Variants in LRIG3 observed in about 807,000 individuals in gnomAD.
LRIG3 encodes leucine rich repeats and immunoglobulin like domains 3, also known as leucine-rich repeats and immunoglobulin-like domains protein 3.
In LRIG3, 76 loss-of-function variants were observed where a neutral mutation model predicts 114.5. The ratio of observed to expected loss-of-function variants is 0.66; its 90% CI spans 0.55 to 0.80. The LOEUF (loss-of-function observed/expected upper bound fraction) is 0.80. Ranked by LOEUF, LRIG3 falls within the 30% of genes least tolerant of loss-of-function variation. LRIG3 has a pLI of 0.00. For missense variants in LRIG3, 1,239 were observed against 1,382.8 expected, an observed-to-expected ratio of 0.90 and a Z score of 1.65; for synonymous variants, 512 against 519.8, an observed-to-expected ratio of 0.98 and a Z score of 0.20.
chr12:58,906,867 G>A (rs1300801947), intron 3 of LRIG3, among the ~76,000 whole-genome samples: 1 of 150,518 alleles, frequency 6.6e-6, no homozygotes, highest in Non-Finnish European at 1.5e-5. Flanking sequence ...TTTAATGAAT[G>A]AAAATGAAAT....
chr12:58,903,999 T>C (rs1871968765), intron 3 of LRIG3, among the ~76,000 whole-genome samples: 1 of 152,132 alleles, frequency 6.6e-6, no homozygotes, highest in East Asian at 1.9e-4. Context: ...TCAGGTAGCA[T>C]GATGCCTCCA....
In LRIG3 at chr12:58,887,807, A is replaced by G; in HGVS notation, c.1073T>C (p.Leu358Pro). 1 of 1,613,704 alleles carries G rather than the reference A, an allele frequency of 6.2e-7. No individual in the cohort carries two copies. The highest frequency in any genetic ancestry group is 1.1e-5 in the South Asian group (1 of 91,046). Residue 358 changes from leucine (L) to proline (P), a missense_variant, in exon 8 of 19, where the codon CTT becomes CCT. Physicochemically the swap from Leu to Pro is moderately conservative, Grantham distance 98. Coordinates refer to ENST00000320743, the MANE Select transcript of LRIG3 (RefSeq NM_153377.5). Reference protein sequence around the residue: ...SYIADCAFRGLSSLKTLDLKN... With the variant: ...SYIADCAFRGPSSLKTLDLKN... ...AACTTACAAAGTCTTTAAACTGGAAAGCCCCCGGAAGGCACAATCAGCAAT... is the reference window on the plus strand; with the variant it reads ...AACTTACAAAGTCTTTAAACTGGAAGGCCCCCGGAAGGCACAATCAGCAAT...
At chr12:58,913,689 A>G in intron 3 of LRIG3, 1 of 282,278 alleles carries the variant, frequency 3.5e-6, no homozygotes. Flanking sequence ...TAGTCTACAG[A>G]ATACGATAAA....
In LRIG3 at chr12:58,885,132, A is replaced by G. The variant is rs1871234812; in HGVS notation, c.1244+699T>C. Among the ~76,000 whole-genome samples the G allele has an allele frequency of 2.6e-5, 4 of 152,180 alleles. No individual in the cohort carries two copies. The South Asian group carries it at 8.3e-4, about 31-fold the overall frequency. ...GCAAGAGCTAGTGTGATGCAGGGAC[A>G]CTGTGCAAGTCGGGGCAGCTCTGGG... On this transcript the variant is annotated intron_variant, in intron 10 of 18. Coordinates refer to ENST00000320743, the MANE Select transcript of LRIG3 (RefSeq NM_153377.5).
intron 12 of LRIG3, 43 bp from the exon 13 acceptor site, chr12:58,880,944 C>A: frequency 3.2e-6 from 5 of 1,564,026 alleles, no homozygotes; most frequent in Non-Finnish European, 4.4e-6. Context: ...TGTTAAGGCT[C>A]AAGAGTCCAA....
intron 1 of LRIG3, chr12:58,919,340 C>A: frequency 6.5e-7 from 1 of 1,531,786 alleles, no homozygotes. Flanking sequence ...CTACAGAAAT[C>A]ACGCCCTTGA....
At chr12:58,895,023 C>A (rs1039723478) in intron 3 of LRIG3, among the ~76,000 whole-genome samples, 9 of 152,146 alleles carry the variant, frequency 5.9e-5, no homozygotes, top group African/African-American at 1.9e-4. Flanking sequence ...AGGAGAACCA[C>A]GTATTTTGGC....
chr12:58,906,764 G>A (rs991271202), intron 3 of LRIG3, among the ~76,000 whole-genome samples: 2 of 151,964 alleles, frequency 1.3e-5, no homozygotes, highest in African/African-American at 4.8e-5. Flanking sequence ...ACAGCTCCAG[G>A]GGTCAATGGA....
chr12:58,874,184 T>TC lies in LRIG3; in HGVS notation c.2985dup (p.Lys996GlufsTer4). 6.2e-7 allele frequency: 1 copy of TC among 1,614,220 alleles called. No individual in the cohort carries two copies. Among genetic ancestry groups the TC allele is most frequent in the Non-Finnish European group, 8.5e-7 (1 of 1,180,036 alleles). ...TGAGAGTAACTAGTGTTAAGTAGCT[T>TC]CCTCACATGTGAAGGCCACGATATA... On this transcript the variant is annotated frameshift_variant, in exon 18 of 19. Transcript: ENST00000320743. LOFTEE classifies it high-confidence loss of function.
chr12:58,920,227 C>A lies in LRIG3; in HGVS notation c.9G>T (p.Ala3=), dbSNP rs566544207. The A allele has an allele frequency of 5.8e-6, 8 of 1,382,536 alleles. No homozygotes were observed. In the South Asian group the frequency reaches 1.3e-4, roughly 23 times the overall value. The allele number at this position is 1,382,536 out of a possible 1,614,324, so 85.6% of individuals were successfully genotyped here. The change falls in exon 1 of 19, where the codon GCG becomes GCT. Residue 3 remains alanine, a synonymous_variant. Coordinates refer to ENST00000320743, the MANE Select transcript of LRIG3 (RefSeq NM_153377.5). Reference sequence around the variant, plus strand: ...CCGCGGCGCGCGCACGGAGGCTCGGCGCGCTCATCGCGGTCCAGCGGCCTA... The same window carrying A: ...CCGCGGCGCGCGCACGGAGGCTCGGAGCGCTCATCGCGGTCCAGCGGCCTA... MS[A]PSLRARAAGL...
chr12:58,881,002 G>A lies in LRIG3; in HGVS notation c.1481-101C>T, dbSNP rs140481987. On this transcript the variant is annotated intron_variant, in intron 12 of 18. Transcript: ENST00000320743. The stretch of plus-strand genomic sequence containing the variant: ...AAGAAATGCAAAAACAGTGGCTTAG[G>A]TTTTACCCTTTGTGTATGTTTTCCA... 5.5e-5 allele frequency: 62 copies of A among 1,124,746 alleles called. No homozygotes were observed. The African/African-American group carries it at 8.9e-4, about 16-fold the overall frequency. 69.7% of individuals were successfully genotyped at this position (1,124,746 alleles called of 1,614,324 possible).
chr12:58,880,710 C>T lies in LRIG3; in HGVS notation c.1672G>A (p.Glu558Lys), dbSNP rs60376933. ...NYAHLRAQGG[E>K]VMEYTTILRL... ...AGGATGGTGGTATACTCCATCACCT[C>T]GCCACCTTGGGCCCGGAGGTGTGCA... is the stretch of plus-strand genomic sequence containing the variant. Residue 558 changes from glutamate (E) to lysine (K), a missense_variant, in exon 13 of 19, where the codon GAG becomes AAG. Coordinates refer to ENST00000320743, the MANE Select transcript of LRIG3 (RefSeq NM_153377.5). 1.5e-4 allele frequency: 244 copies of T among 1,614,200 alleles called. 2 individuals carry two copies. The East Asian group carries it at 5.0e-3, about 33-fold the overall frequency.
intron 5 of LRIG3, 76 bp downstream of exon 5, chr12:58,889,920 A>G (rs930411499): frequency 4.6e-6 from 7 of 1,532,840 alleles, no homozygotes; most frequent in Non-Finnish European, 4.4e-6. Flanking sequence ...TTTTTGCCAC[A>G]TTGTAGATTT....
rs1330967750 is a variant in LRIG3 at position 58,920,224 on chromosome 12, C to T, written c.12G>A (p.Pro4=). 3.6e-6 allele frequency: 5 copies of T among 1,385,404 alleles called. No individual in the cohort carries two copies. Among genetic ancestry groups the T allele is most frequent in the East Asian group, 3.0e-5 (1 of 33,728 alleles). The allele number at this position is 1,385,404 out of a possible 1,614,324, so 85.8% of individuals were successfully genotyped here. A position where few individuals can be genotyped will look rare whatever the true frequency, so the allele number is the denominator to read the frequency against. MSA[P]SLRARAAGLG... ...ACCCCGCGGCGCGCGCACGGAGGCT[C>T]GGCGCGCTCATCGCGGTCCAGCGGC... Residue 4 remains proline, a synonymous_variant, in exon 1 of 19, where the codon CCG becomes CCA. Coordinates refer to ENST00000320743, the MANE Select transcript of LRIG3 (RefSeq NM_153377.5).
At chr12:58,885,210 A>G (rs1395515261) in intron 10 of LRIG3, among the ~76,000 whole-genome samples, 1 of 152,180 alleles carries the variant, frequency 6.6e-6, no homozygotes, top group Non-Finnish European at 1.5e-5. Context: ...GAAACAAAAG[A>G]AAACAACAAA....
At chr12:58,902,507 G>A (rs1398286164) in intron 3 of LRIG3, among the ~76,000 whole-genome samples, 1 of 152,064 alleles carries the variant, frequency 6.6e-6, no homozygotes. Flanking sequence ...GGAGATGGCA[G>A]GCAGGTGATT....
At chr12:58,895,680 A>G (rs1036019290) in intron 3 of LRIG3, among the ~76,000 whole-genome samples, 4 of 152,118 alleles carry the variant, frequency 2.6e-5, no homozygotes, top group African/African-American at 9.7e-5. Flanking sequence ...TGGGGTGACA[A>G]TATCACATGT....
chr12:58,897,931 G>A (rs1040054914), intron 3 of LRIG3, among the ~76,000 whole-genome samples: 39 of 152,130 alleles, frequency 2.6e-4, no homozygotes, highest in Non-Finnish European at 5.1e-4. Context: ...TTACTTGTGA[G>A]TGGAGAGAAC....
rs1463135348 is a variant in LRIG3, at chr12:58,888,870, A to C, written c.752T>G (p.Val251Gly). Residue 251 changes from valine to glycine, a missense_variant, in exon 6 of 19, where the codon GTA becomes GGA. By Grantham distance (109) the Val-to-Gly change is moderately radical. Transcript: ENST00000320743. ...AAAAGCTCCATCCATAAGTTTCGTT[A>C]CTCCATTTCTTTGCATTTTCAGAGA... ...LKSLKMQRNGVTKLMDGAFWG... is the reference protein window; with the variant it reads ...LKSLKMQRNGGTKLMDGAFWG... 1 of 1,613,774 alleles carries C rather than the reference A, an allele frequency of 6.2e-7. No homozygotes were observed. Among genetic ancestry groups the C allele is most frequent in the Non-Finnish European group, 8.5e-7 (1 of 1,179,838 alleles).
Sources: gnomAD v4.1 joint callset for allele counts (sites outside exome capture counted in the v4.1 genomes callset) on GRCh38, gnomAD v4.1.1 for gene constraint, MANE v1.5 for transcripts, NCBI Gene and HGNC (gene_info 2026-07-23, HGNC 2026-07-21) for gene names.